RCN2: variants seen among roughly 807,000 people sequenced by gnomAD.
RCN2 encodes the protein reticulocalbin-2.
In RCN2, 23 loss-of-function variants were observed where a neutral mutation model predicts 37.5. That is an observed-to-expected ratio of 0.61 (90% CI 0.44 to 0.87). The LOEUF (loss-of-function observed/expected upper bound fraction) is 0.87, where lower values mean the gene tolerates loss of function less well. Ranked by LOEUF, RCN2 falls within the 40% of genes least tolerant of loss-of-function variation. The probability of loss-of-function intolerance (pLI) is 0.00; values close to 1 mark genes in which losing one functional copy is unlikely to be tolerated. For synonymous variants in RCN2, 140 were observed against 144.6 expected, an observed-to-expected ratio of 0.97 and a Z score of 0.23; for missense variants, 381 against 390.4, an observed-to-expected ratio of 0.98 and a Z score of 0.20.
intron 3 of RCN2, chr15:76,943,084 AAGCCCT>A (rs1446637570): frequency 6.6e-6 from 1 of 152,242 alleles, no homozygotes; most frequent in African/African-American, 2.4e-5. Flanking sequence ...CATTTTTTAA[AAGCCCT>A]ACCAAGATTT....
intron 1 of RCN2, among the ~76,000 whole-genome samples, 159 bp downstream of exon 1, chr15:76,932,144 G>A (rs2075226158): frequency 6.6e-6 from 1 of 152,134 alleles, no homozygotes; most frequent in African/African-American, 2.4e-5. Flanking sequence ...GGGTCCTGGG[G>A]CCTGGAAAGC....
In RCN2 at chr15:76,951,748, G is replaced by C. The variant is rs962280639; in HGVS notation, c.*2526G>C. 2.6e-5 allele frequency: 4 copies of C among 152,124 alleles called. No individual in the cohort carries two copies. The highest frequency in any genetic ancestry group is 4.4e-5 in the Non-Finnish European group (3 of 68,014). 9.4% of individuals were successfully genotyped at this position (152,124 alleles called of 1,614,324 possible). On this transcript the variant is annotated 3_prime_UTR_variant, in exon 7 of 7. Transcript: ENST00000394885. Reference sequence around the variant, plus strand: ...AATTTGAATTTATCCTTGAGCATGAGAGTAAAAATAGTTTGAGACTTTCTG... The same window carrying C: ...AATTTGAATTTATCCTTGAGCATGACAGTAAAAATAGTTTGAGACTTTCTG...
rs1045354284 is a variant in RCN2 at position 76,941,709 on chromosome 15, G to C, written c.448-2049G>C. On this transcript the variant is annotated intron_variant, in intron 3 of 6. Transcript: ENST00000394885. ...ATTTAATGTGAGCTATTCTTATTTTGTGTTCTTCAAATGGCCGTGAAATGT... is the reference window on the plus strand; with the variant it reads ...ATTTAATGTGAGCTATTCTTATTTTCTGTTCTTCAAATGGCCGTGAAATGT... 3 of 1,356,810 alleles carry C rather than the reference G, an allele frequency of 2.2e-6. No homozygotes were observed. In the African/African-American group the frequency reaches 4.5e-5, roughly 20 times the overall value. 84.0% of individuals were successfully genotyped at this position (1,356,810 alleles called of 1,614,324 possible).
At chr15:76,948,829 G>A in intron 6 of RCN2, 1 of 530,494 alleles carries the variant, frequency 1.9e-6, no homozygotes, top group South Asian at 3.1e-5. Context: ...ATTTTTCATT[G>A]CCTTGATATA....
At chr15:76,941,727 T>A in intron 3 of RCN2, 2 of 1,130,722 alleles carry the variant, frequency 1.8e-6, no homozygotes, top group Non-Finnish European at 2.4e-6. Context: ...CAAATGGCCG[T>A]GAAATGTGAA....
At chr15:76,943,712 A>G in intron 3 of RCN2, 46 bp from the exon 4 acceptor site, 1 of 995,436 alleles carries the variant, frequency 1.0e-6, no homozygotes, top group Non-Finnish European at 1.6e-6. Context: ...TTTTCAAAGT[A>G]TTTAAAATGA....
intron 3 of RCN2, chr15:76,938,778 A>G (rs1477905354): frequency 6.6e-6 from 3 of 455,808 alleles, no homozygotes; most frequent in Non-Finnish European, 1.3e-5. Flanking sequence ...GCTTAGCTTC[A>G]CATTTAGCTC....
chr15:76,943,983 A>ATT, intron 4 of RCN2, 112 bp downstream of exon 4: 1 of 245,410 alleles, frequency 4.1e-6, no homozygotes, highest in Non-Finnish European at 7.4e-6. Context: ...GATACATGAG[A>ATT]CTTTTTTTTT....
chr15:76,936,593 C>T (rs1489317024), intron 3 of RCN2, among the ~76,000 whole-genome samples: 4 of 152,176 alleles, frequency 2.6e-5, no homozygotes, highest in African/African-American at 7.2e-5. Flanking sequence ...TCACCTCTTG[C>T]TATGTGGCCC....
intron 3 of RCN2, among the ~76,000 whole-genome samples, chr15:76,939,231 AAAATAAATAAATAAATAAAT>A (rs147122407): frequency 2.6e-4 from 38 of 144,634 alleles, no homozygotes; most frequent in East Asian, 6.0e-4. Context: ...CTCATTTCTA[AAAATAAATAAATAAATAAAT>A]AAATAAATAA....
At chr15:76,936,595 A>G (rs947972600) in intron 3 of RCN2, among the ~76,000 whole-genome samples, 5 of 152,164 alleles carry the variant, frequency 3.3e-5, no homozygotes, top group African/African-American at 1.2e-4. Context: ...ACCTCTTGCT[A>G]TGTGGCCCAG....
chr15:76,943,318 C>G (rs1433706377), intron 3 of RCN2: 1 of 152,972 alleles, frequency 6.5e-6, no homozygotes, highest in African/African-American at 2.4e-5. Flanking sequence ...AGGCGTGCGC[C>G]ACTATGCCAT....
chr15:76,940,322 T>A (rs1247399305), intron 3 of RCN2, among the ~76,000 whole-genome samples: 2 of 151,746 alleles, frequency 1.3e-5, no homozygotes, highest in African/African-American at 4.8e-5. Flanking sequence ...AATAACGTCC[T>A]AAAAATTGAT....
chr15:76,948,382 A>G, intron 5 of RCN2, 28 bp from the exon 6 acceptor site: 2 of 1,501,366 alleles, frequency 1.3e-6, no homozygotes, highest in East Asian at 2.3e-5. Context: ...ATTCTTGTGT[A>G]TGTATATTTG....
At chr15:76,943,087 C>A (rs982073816) in intron 3 of RCN2, 3 of 152,132 alleles carry the variant, frequency 2.0e-5, no homozygotes, top group African/African-American at 7.2e-5. Flanking sequence ...TTTTTAAAAG[C>A]CCTACCAAGA....
At chr15:76,945,462 A>G (rs941731856) in intron 4 of RCN2, among the ~76,000 whole-genome samples, 2 of 152,202 alleles carry the variant, frequency 1.3e-5, no homozygotes, top group African/African-American at 4.8e-5. Context: ...TCATCCCTTT[A>G]ATATTTAAAA....
At position 76,935,464 on chromosome 15, in the gene RCN2, A is replaced by G. The variant is rs2075242890; in HGVS notation, c.251-62A>G. ...TTGCCTTTTCAGAGAAGGTTTGGAA[A>G]TCCTTACTCTTAAGTATCAGAATTA... On this transcript the variant is annotated intron_variant, in intron 2 of 6. Coordinates refer to ENST00000394885, the MANE Select transcript of RCN2 (RefSeq NM_002902.3). The G allele has an allele frequency of 2.2e-6, 3 of 1,351,806 alleles. No individual in the cohort carries two copies. In the East Asian group the frequency reaches 7.1e-5, roughly 32 times the overall value. The allele number at this position is 1,351,806 out of a possible 1,614,324, so 83.7% of individuals were successfully genotyped here. A position where few individuals can be genotyped will look rare whatever the true frequency, so the allele number is the denominator to read the frequency against.
intron 3 of RCN2, among the ~76,000 whole-genome samples, chr15:76,936,846 A>G (rs2075252004): frequency 1.3e-5 from 2 of 152,188 alleles, no homozygotes; most frequent in Admixed American, 1.3e-4. Context: ...GTTGAGTAAT[A>G]TTAAGTACAT....
intron 1 of RCN2, 26 bp downstream of exon 1, chr15:76,932,011 A>G: frequency 8.0e-7 from 1 of 1,246,172 alleles, no homozygotes; most frequent in Non-Finnish European, 1.0e-6. Context: ...CGGTGCTGGG[A>G]GGGCCGGGCC....
Sources: allele counts gnomAD v4.1 joint callset (sites outside exome capture counted in the v4.1 genomes callset), GRCh38; gene constraint gnomAD v4.1.1; transcripts MANE v1.5; gene names NCBI Gene and HGNC (gene_info 2026-07-23, HGNC 2026-07-21).